The following SLC8A1 variants were observed in gnomAD, a reference collection of about 807,000 sequenced individuals.
The protein encoded by SLC8A1 is solute carrier family 8 member A1, also known as sodium/calcium exchanger 1.
A neutral mutation model predicts 68.3 loss-of-function variants in SLC8A1; 18 were observed. That is an observed-to-expected ratio of 0.26 (90% CI 0.18 to 0.39). The LOEUF is 0.39. Ranked by LOEUF, SLC8A1 falls within the 10% of genes least tolerant of loss-of-function variation. The pLI is 1.00. For missense variants in SLC8A1, 985 were observed against 1,156.7 expected, an observed-to-expected ratio of 0.85 and a Z score of 2.15; for synonymous variants, 475 against 415.5, an observed-to-expected ratio of 1.14 and a Z score of -1.74.
intron 2 of SLC8A1, among the ~76,000 whole-genome samples, chr2:40,386,621 C>CAA (rs76213179): frequency 2.4e-4 from 31 of 127,184 alleles, no homozygotes; most frequent in African/African-American, 7.8e-4. Flanking sequence ...ATTTAAAAAT[C>CAA]AAAAAAAAAA....
At chr2:40,509,879 C>T (rs1706606997) in intron 1 of SLC8A1, among the ~76,000 whole-genome samples, 1 of 151,750 alleles carries the variant, frequency 6.6e-6, no homozygotes, top group Non-Finnish European at 1.5e-5. Context: ...GGCATGATCT[C>T]GGCTCAAAGC....
chr2:40,307,840 A>C (rs1348413644), intron 2 of SLC8A1, among the ~76,000 whole-genome samples: 2 of 152,168 alleles, frequency 1.3e-5, no homozygotes, highest in Non-Finnish European at 2.9e-5. Context: ...GATAGTTAGT[A>C]CTTAATTCTA....
chr2:40,218,518 T>C (rs553774289), intron 2 of SLC8A1, among the ~76,000 whole-genome samples: 1 of 152,344 alleles, frequency 6.6e-6, no homozygotes, highest in African/African-American at 2.4e-5. Flanking sequence ...ATTTTGCCAT[T>C]ACTTTTAATA....
intron 2 of SLC8A1, among the ~76,000 whole-genome samples, chr2:40,222,044 AAG>A (rs1232297158): frequency 6.6e-6 from 1 of 152,234 alleles, no homozygotes; most frequent in Non-Finnish European, 1.5e-5. Context: ...GGAACTAAAA[AAG>A]AGCCTGTGTA....
chr2:40,414,275 A>G (rs1312149352), intron 2 of SLC8A1, among the ~76,000 whole-genome samples: 1 of 152,170 alleles, frequency 6.6e-6, no homozygotes, highest in Non-Finnish European at 1.5e-5. Flanking sequence ...TTCTGGCCAC[A>G]AAGACAGCTA....
chr2:40,351,424 A>G (rs1316445060), intron 2 of SLC8A1, among the ~76,000 whole-genome samples: 2 of 151,762 alleles, frequency 1.3e-5, no homozygotes, highest in Non-Finnish European at 2.9e-5. Flanking sequence ...AAAAAGGGAG[A>G]CCATACCAAT....
intron 6 of SLC8A1, among the ~76,000 whole-genome samples, chr2:40,159,452 T>C (rs2045260797): frequency 6.6e-6 from 1 of 152,206 alleles, no homozygotes; most frequent in African/African-American, 2.4e-5. Context: ...AGGATGCTTT[T>C]AATGTTTTAA....
At chr2:40,155,314 A>T (rs1206644108) in intron 6 of SLC8A1, among the ~76,000 whole-genome samples, 3 of 152,032 alleles carry the variant, frequency 2.0e-5, no homozygotes, top group African/African-American at 7.2e-5. Context: ...TATTTTAAGT[A>T]GAGAGGTGGT....
intron 2 of SLC8A1, among the ~76,000 whole-genome samples, chr2:40,364,392 A>G (rs983401672): frequency 5.9e-5 from 9 of 151,662 alleles, no homozygotes; most frequent in African/African-American, 2.2e-4. Flanking sequence ...AGGGTAATAC[A>G]CTTTATTGAT....
intron 1 of SLC8A1, among the ~76,000 whole-genome samples, chr2:40,508,629 T>C (rs1706514556): frequency 1.3e-5 from 2 of 152,136 alleles, no homozygotes; most frequent in African/African-American, 4.8e-5. Flanking sequence ...ATCAATCCTT[T>C]ATTATAGAGA....
intron 2 of SLC8A1, among the ~76,000 whole-genome samples, chr2:40,350,130 T>C (rs1292552432): frequency 6.6e-6 from 1 of 152,194 alleles, no homozygotes; most frequent in East Asian, 1.9e-4. Context: ...CATATTTATA[T>C]GATGTTTTAA....
chr2:40,435,436 G>A (rs749368024), intron 1 of SLC8A1, among the ~76,000 whole-genome samples: 30 of 151,966 alleles, frequency 2.0e-4, no homozygotes, highest in Admixed American at 3.9e-4. Context: ...CATTTACACA[G>A]AGACCCTCTA....
chr2:40,333,205 A>G (rs746601812), intron 2 of SLC8A1, among the ~76,000 whole-genome samples: 17 of 152,288 alleles, frequency 1.1e-4, no homozygotes, highest in South Asian at 4.1e-4. Context: ...TTGGGAGGCC[A>G]AGGCGGGCGG....
intron 2 of SLC8A1, among the ~76,000 whole-genome samples, chr2:40,404,268 C>T (rs547853670): frequency 1.3e-5 from 2 of 152,300 alleles, no homozygotes; most frequent in East Asian, 3.9e-4. Flanking sequence ...ACAAATCTGA[C>T]AACATATCTT....
At chr2:40,486,580 G>T (rs1704980873) in intron 1 of SLC8A1, among the ~76,000 whole-genome samples, 2 of 152,152 alleles carry the variant, frequency 1.3e-5, no homozygotes, top group East Asian at 3.9e-4. Flanking sequence ...TTTTAAAATT[G>T]TTACATTTTT....
chr2:40,418,577 G>C (rs763837477), intron 2 of SLC8A1, among the ~76,000 whole-genome samples: 6 of 152,192 alleles, frequency 3.9e-5, no homozygotes, highest in African/African-American at 7.2e-5. Context: ...GTCTGTAGTA[G>C]CCTCATTTGC....
chr2:40,496,253 G>C (rs1371839925), intron 1 of SLC8A1, among the ~76,000 whole-genome samples: 1 of 152,102 alleles, frequency 6.6e-6, no homozygotes, highest in African/African-American at 2.4e-5. Context: ...GTCTGCCCGT[G>C]CACACTGGAA....
intron 1 of SLC8A1, among the ~76,000 whole-genome samples, chr2:40,440,829 A>G (rs916109745): frequency 6.6e-6 from 1 of 152,224 alleles, no homozygotes; most frequent in African/African-American, 2.4e-5. Flanking sequence ...ATCATACTGA[A>G]TGGGCAAAAG....
chr2:40,448,630 G>A lies in SLC8A1; in HGVS notation c.-25+3274C>T, dbSNP rs188620377. Reference sequence around the variant, plus strand: ...GCTAAGGGAACCATAAGTGATGTCAGATAGGATTCTGGAACCCAGAGAAAG... The same window carrying A: ...GCTAAGGGAACCATAAGTGATGTCAAATAGGATTCTGGAACCCAGAGAAAG... On this transcript the variant is annotated intron_variant, in intron 1 of 7. Transcript: ENST00000406785. Among the ~76,000 whole-genome samples the A allele has an allele frequency of 4.1e-3, 620 of 152,338 alleles. 14 individuals carry two copies. Among genetic ancestry groups the A allele is most frequent in the Admixed American group, 0.034 (518 of 15,300 alleles).
Sources: gnomAD v4.1 joint callset for allele counts (sites outside exome capture counted in the v4.1 genomes callset) on GRCh38, gnomAD v4.1.1 for gene constraint, MANE v1.5 for transcripts, NCBI Gene and HGNC (gene_info 2026-07-23, HGNC 2026-07-21) for gene names.